Variants in SLC35D4 observed in about 807,000 individuals in gnomAD.
SLC35D4 encodes UDP-N-acetylglucosamine transporter SLC35D4.
At chr18:23,399,219 T>A in the SLC35D4 span, among the ~76,000 whole-genome samples, 3 of 152,206 alleles carry the variant, frequency 2.0e-5, no homozygotes, top group Non-Finnish European at 2.9e-5. Flanking sequence ...AGGAGTAGTT[T>A]GGGCCCTGCC....
the SLC35D4 span, among the ~76,000 whole-genome samples, chr18:23,244,691 C>T: frequency 6.6e-6 from 1 of 152,206 alleles, no homozygotes; most frequent in African/African-American, 2.4e-5. Flanking sequence ...TGGCTGTTGG[C>T]GCTGGAAGGA....
the SLC35D4 span, among the ~76,000 whole-genome samples, chr18:23,254,906 G>A: frequency 6.6e-6 from 1 of 152,202 alleles, no homozygotes; most frequent in African/African-American, 2.4e-5. Context: ...ATAACAAGGG[G>A]CATGCCATGC....
the SLC35D4 span, chr18:23,437,799 A>G: frequency 6.2e-7 from 1 of 1,612,014 alleles, no homozygotes; most frequent in South Asian, 1.1e-5. Context: ...TGAGGTAAGA[A>G]GCCAGGTAGC....
chr18:23,263,217 C>A, the SLC35D4 span, among the ~76,000 whole-genome samples: 10 of 152,336 alleles, frequency 6.6e-5, no homozygotes, highest in East Asian at 1.9e-3. Context: ...TGAAACAGAG[C>A]CACTAACATG....
At chr18:23,404,623 A>G in the SLC35D4 span, among the ~76,000 whole-genome samples, 15,145 of 148,094 alleles carry the variant, frequency 0.1, 1,031 homozygotes, top group Middle Eastern at 0.2. Context: ...GGCCGAGTAG[A>G]GGTTTCAGTG....
chr18:23,309,597 T>A, the SLC35D4 span: 3 of 1,236,708 alleles, frequency 2.4e-6, no homozygotes. Context: ...ACTCCCTTTC[T>A]GCAACATTTG....
At chr18:23,434,172 C>T in the SLC35D4 span, among the ~76,000 whole-genome samples, 4 of 152,098 alleles carry the variant, frequency 2.6e-5, no homozygotes, top group Non-Finnish European at 2.9e-5. Context: ...CACCAGAGTC[C>T]CATAATGTAC....
the SLC35D4 span, among the ~76,000 whole-genome samples, chr18:23,344,104 A>T: frequency 2.0e-5 from 3 of 150,468 alleles, no homozygotes; most frequent in East Asian, 5.9e-4. Context: ...CTGGTCTCAA[A>T]CTCCTGACCT....
At chr18:23,278,422 C>T in the SLC35D4 span, among the ~76,000 whole-genome samples, 1 of 152,152 alleles carries the variant, frequency 6.6e-6, no homozygotes, top group East Asian at 1.9e-4. Flanking sequence ...GTCTGGCTTT[C>T]AGAAGTCAGT....
chr18:23,324,465 A>C, the SLC35D4 span, among the ~76,000 whole-genome samples: 23 of 152,342 alleles, frequency 1.5e-4, no homozygotes, highest in African/African-American at 5.5e-4. Flanking sequence ...TTGAATTAGA[A>C]GTGAAAAAGG....
chr18:23,412,486 T>C, the SLC35D4 span, among the ~76,000 whole-genome samples: 1 of 152,220 alleles, frequency 6.6e-6, no homozygotes, highest in East Asian at 1.9e-4. Context: ...TCTTTTTCTT[T>C]TTTTTTGGTC....
the SLC35D4 span, chr18:23,385,061 G>A: frequency 6.2e-7 from 1 of 1,612,372 alleles, no homozygotes; most frequent in Non-Finnish European, 8.5e-7. Context: ...AGAAACACAG[G>A]AATGGCCTGA....
chr18:23,393,481 A>G, the SLC35D4 span, among the ~76,000 whole-genome samples: 1 of 152,212 alleles, frequency 6.6e-6, no homozygotes, highest in African/African-American at 2.4e-5. Flanking sequence ...TACTCTAAGT[A>G]CCAGATATAA....
chr18:23,348,135 G>C, the SLC35D4 span, among the ~76,000 whole-genome samples: 3 of 151,982 alleles, frequency 2.0e-5, no homozygotes, highest in South Asian at 6.2e-4. Flanking sequence ...AACTAAATGG[G>C]GTTTTTCTAG....
At chr18:23,240,838 C>T in the SLC35D4 span, among the ~76,000 whole-genome samples, 1 of 152,212 alleles carries the variant, frequency 6.6e-6, no homozygotes, top group African/African-American at 2.4e-5. Context: ...TGAGATGCCT[C>T]TGCTGAATGA....
the SLC35D4 span, among the ~76,000 whole-genome samples, chr18:23,435,072 C>T: frequency 7.7e-4 from 117 of 151,718 alleles, no homozygotes; most frequent in Non-Finnish European, 1.5e-3. Flanking sequence ...GCACTAGAAT[C>T]GCTTGAACCT....
the SLC35D4 span, among the ~76,000 whole-genome samples, chr18:23,404,597 C>A: frequency 2.0e-5 from 3 of 149,842 alleles, no homozygotes; most frequent in African/African-American, 2.5e-5. Flanking sequence ...CACTTGAACC[C>A]GGGAGGCTTG....
chr18:23,355,592 C>CTT, the SLC35D4 span, among the ~76,000 whole-genome samples: 4,126 of 141,600 alleles, frequency 0.029, 167 homozygotes, highest in African/African-American at 0.092. Context: ...CTCTGTAATT[C>CTT]TTTTTTTTTT....
chr18:23,341,986 T>C, the SLC35D4 span, among the ~76,000 whole-genome samples: 1 of 79,160 alleles, frequency 1.3e-5, no homozygotes, highest in Non-Finnish European at 2.4e-5. Context: ...TAAACTCATA[T>C]ACACAGGAAA....
Sources: gnomAD v4.1 joint callset for allele counts (sites outside exome capture counted in the v4.1 genomes callset) on GRCh38, gnomAD v4.1.1 for gene constraint, MANE v1.5 for transcripts, NCBI Gene and HGNC (gene_info 2026-07-23, HGNC 2026-07-21) for gene names.